Variants in ALKBH1 observed in about 807,000 individuals in gnomAD.
The protein encoded by ALKBH1 is nucleic acid dioxygenase ALKBH1.
Under a neutral mutation model 36.6 loss-of-function variants are expected in ALKBH1, and 31 were observed. That is an observed-to-expected ratio of 0.85 (90% CI 0.64 to 1.14). ALKBH1 has a LOEUF of 1.14. Among genes scored for constraint, ALKBH1 ranks in the 50% most tolerant of loss-of-function variants. ALKBH1 has a pLI of 0.00. For synonymous variants in ALKBH1, 183 were observed against 186.6 expected (o/e 0.98, Z 0.16); for missense variants, 490 against 497.3 (o/e 0.99, Z 0.14).
chr14:77,680,678 T>TCTCTC (rs377359190), intron 3 of ALKBH1, among the ~76,000 whole-genome samples: 1 of 46,450 alleles, frequency 2.2e-5, no homozygotes, highest in Non-Finnish European at 4.7e-5. Context: ...TTAACTACTC[T>TCTCTC]TTTTTTTTTT....
At chr14:77,691,675 G>A (rs932326043) in intron 3 of ALKBH1, 1 of 151,968 alleles carries the variant, frequency 6.6e-6, no homozygotes, top group African/African-American at 2.4e-5. Flanking sequence ...CATAAGGTAC[G>A]ACCATCAAAT....
rs775883346 is a variant in ALKBH1 at position 77,675,862 on chromosome 14, T to C, written c.547-13A>G. ...CTGCTGAGTATTTCTTTGGTAAATGTAGAGAGAATAAGAAAAATAAACAAT... is the reference window on the plus strand; with the variant it reads ...CTGCTGAGTATTTCTTTGGTAAATGCAGAGAGAATAAGAAAAATAAACAAT... On this transcript the variant is annotated splice_polypyrimidine_tract_variant and intron_variant, in intron 4 of 5. Coordinates refer to ENST00000216489, the MANE Select transcript of ALKBH1 (RefSeq NM_006020.3). The C allele has an allele frequency of 2.3e-5, 36 of 1,595,064 alleles. No individual in the cohort carries two copies. The highest frequency in any genetic ancestry group is 2.9e-5 in the Non-Finnish European group (34 of 1,163,460).
At chr14:77,704,733 T>C (rs1157969427) in intron 1 of ALKBH1, among the ~76,000 whole-genome samples, 5 of 152,194 alleles carry the variant, frequency 3.3e-5, no homozygotes, top group Admixed American at 6.5e-5. Context: ...CCACTGTGCC[T>C]GGCCAAAGCA....
At chr14:77,703,143 G>C (rs2080368663) in intron 2 of ALKBH1, among the ~76,000 whole-genome samples, 1 of 151,684 alleles carries the variant, frequency 6.6e-6, no homozygotes, top group African/African-American at 2.4e-5. Context: ...GAGACTGTCT[G>C]GGAAAAAAAA....
rs1367289820 is a variant in ALKBH1 at position 77,682,407 on chromosome 14, A to T, written c.456-2437T>A. 2.0e-5 allele frequency among the ~76,000 whole-genome samples: 3 copies of T among 152,210 alleles called. No individual in the cohort carries two copies. The East Asian group carries it at 5.8e-4, about 29-fold the overall frequency. On this transcript the variant is annotated intron_variant, in intron 3 of 5. Transcript: ENST00000216489. ...TTAATGGAAATATAAACGTAGTTCC[A>T]GAGTTACATAAGCACCTTATAGAGG...
At position 77,707,890 on chromosome 14, in the gene ALKBH1, C is replaced by A; in HGVS notation, c.115G>T (p.Asp39Tyr). The A allele has an allele frequency of 6.2e-7, 1 of 1,613,580 alleles. No homozygotes were observed. Among genetic ancestry groups the A allele is most frequent in the South Asian group, 1.1e-5 (1 of 91,064 alleles). The change falls in exon 1 of 6, where the codon GAC becomes TAC. Residue 39 changes from aspartate to tyrosine, a missense_variant. Coordinates refer to ENST00000216489, the MANE Select transcript of ALKBH1 (RefSeq NM_006020.3). The part of the protein sequence containing the change: ...FYRQSRPGTA[D>Y]LEGVIDFSAA... ...GAGAAGTCGATGACCCCTTCCAGGT[C>A]TGCGGTCCCGGGCCGGCTCTGACGG...
intron 3 of ALKBH1, among the ~76,000 whole-genome samples, chr14:77,682,241 T>C (rs1379164197): frequency 6.6e-6 from 1 of 152,224 alleles, no homozygotes; most frequent in Non-Finnish European, 1.5e-5. Context: ...AATGTAGTTA[T>C]TAACACAACT....
chr14:77,680,677 C>CTTT (rs1555383644), intron 3 of ALKBH1, among the ~76,000 whole-genome samples: 1 of 124,346 alleles, frequency 8.0e-6, no homozygotes, highest in Non-Finnish European at 1.7e-5. Context: ...ATTAACTACT[C>CTTT]TTTTTTTTTT....
rs750218235 is a variant in ALKBH1 at position 77,694,782 on chromosome 14, T to C, written c.411A>G (p.Lys137=). The C allele has an allele frequency of 2.5e-6, 4 of 1,608,856 alleles. No individual in the cohort carries two copies. In the South Asian group the frequency reaches 4.5e-5, roughly 18 times the overall value. ...GTTCCCACAGATCTTGGGTCTCTTCTTTAGACATGTGTTTGTCCAGGTTAC... is the reference window on the plus strand; with the variant it reads ...GTTCCCACAGATCTTGGGTCTCTTCCTTAGACATGTGTTTGTCCAGGTTAC... The part of the protein sequence containing the change: ...NVCNLDKHMS[K]EETQDLWEQS... Residue 137 remains lysine (K), a synonymous_variant, in exon 3 of 6, where the codon AAA becomes AAG. Coordinates refer to ENST00000216489, the MANE Select transcript of ALKBH1 (RefSeq NM_006020.3).
intron 2 of ALKBH1, among the ~76,000 whole-genome samples, chr14:77,696,329 C>T (rs904940695): frequency 6.6e-6 from 1 of 152,102 alleles, no homozygotes; most frequent in Non-Finnish European, 1.5e-5. Context: ...GCTGTGATTA[C>T]AGGTGCCTGC....
intron 4 of ALKBH1, among the ~76,000 whole-genome samples, chr14:77,676,625 C>T (rs567533945): frequency 7.2e-5 from 11 of 152,308 alleles, no homozygotes; most frequent in African/African-American, 2.4e-4. Flanking sequence ...AATGCTATTA[C>T]AGTAATGTAT....
chr14:77,694,257 G>GGAAT (rs940575421), intron 3 of ALKBH1, among the ~76,000 whole-genome samples: 1 of 152,084 alleles, frequency 6.6e-6, no homozygotes, highest in African/African-American at 2.4e-5. Context: ...AAGTATTTGT[G>GGAAT]GAATGAATGA....
intron 2 of ALKBH1, among the ~76,000 whole-genome samples, chr14:77,700,104 C>T (rs192581908): frequency 6.6e-6 from 1 of 151,958 alleles, no homozygotes; most frequent in African/African-American, 2.4e-5. Flanking sequence ...AGGCTCTAAC[C>T]AAACAAATCT....
intron 2 of ALKBH1, among the ~76,000 whole-genome samples, chr14:77,697,804 G>C (rs1456682763): frequency 6.6e-6 from 1 of 151,956 alleles, no homozygotes; most frequent in Non-Finnish European, 1.5e-5. Flanking sequence ...CTTGAGCTCA[G>C]GAATTCGAGA....
At chr14:77,705,144 G>C (rs1362034662) in intron 1 of ALKBH1, among the ~76,000 whole-genome samples, 1 of 152,180 alleles carries the variant, frequency 6.6e-6, no homozygotes, top group East Asian at 1.9e-4. Flanking sequence ...GCCGGTCGCA[G>C]TGGCTCACGC....
Position 77,673,838 on chromosome 14 carries a change from G to A in ALKBH1, c.1144C>T (p.Arg382Trp), listed in dbSNP as rs777022409. Residue 382 changes from arginine (R) to tryptophan (W), a missense_variant, in exon 6 of 6, where the codon CGG (arginine) becomes TGG (tryptophan). Arg to Trp is a moderately radical substitution (Grantham distance 101, BLOSUM62 -3). Transcript: ENST00000216489. ...CAGCTGTCAGGGTTTATCCTGGCCCGTTTTACTTCGCTATTCTGGTCATCC... is the reference window on the plus strand; with the variant it reads ...CAGCTGTCAGGGTTTATCCTGGCCCATTTTACTTCGCTATTCTGGTCATCC... ...HLDDQNSEVK[R>W]ARINPDS is the part of the protein sequence containing the mutation. 25 of 1,613,834 alleles carry A rather than the reference G, an allele frequency of 1.5e-5. No homozygotes were observed. The East Asian group carries it at 1.8e-4, about 12-fold the overall frequency.
intron 1 of ALKBH1, 89 bp from the exon 2 acceptor site, chr14:77,704,566 T>C: frequency 1.1e-6 from 1 of 950,454 alleles, no homozygotes. Flanking sequence ...ATTTCTTGTA[T>C]GAGGCAAAGC....
At chr14:77,700,972 A>G (rs1274812721) in intron 2 of ALKBH1, among the ~76,000 whole-genome samples, 2 of 152,144 alleles carry the variant, frequency 1.3e-5, no homozygotes, top group African/African-American at 4.8e-5. Context: ...GTGCAAGCCA[A>G]TGGTCCCAGC....
Position 77,675,813 on chromosome 14 carries a change from C to T in ALKBH1, c.583G>A (p.Asp195Asn). The T allele has an allele frequency of 3.7e-6, 6 of 1,613,758 alleles. No homozygotes were observed. Among genetic ancestry groups the T allele is most frequent in the Non-Finnish European group, 5.1e-6 (6 of 1,179,866 alleles). ...SADHYTPFPS[D>N]LGFLSEQVAA... ...ACTTGCTCTGAGAGGAAACCCAGGT[C>T]AGAAGGGAAAGGTGTGTAATGATCT... Residue 195 changes from aspartate to asparagine, a missense_variant, in exon 5 of 6, where the codon GAC becomes AAC. By Grantham distance (23) the Asp-to-Asn change is conservative. Coordinates refer to ENST00000216489, the MANE Select transcript of ALKBH1 (RefSeq NM_006020.3).
Sources: gnomAD v4.1 joint callset for allele counts (sites outside exome capture counted in the v4.1 genomes callset) on GRCh38, gnomAD v4.1.1 for gene constraint, MANE v1.5 for transcripts, NCBI Gene and HGNC (gene_info 2026-07-23, HGNC 2026-07-21) for gene names.